The following KMT2B variants were observed in gnomAD, a reference collection of about 807,000 sequenced individuals.
The protein encoded by KMT2B is histone-lysine N-methyltransferase 2B.
A neutral mutation model predicts 255.3 loss-of-function variants in KMT2B; 22 were observed. That is an observed-to-expected ratio of 0.09 (90% CI 0.06 to 0.12). The LOEUF is 0.12. Among genes scored for constraint, KMT2B ranks in the 10% least tolerant of loss-of-function variants. KMT2B has a pLI of 1.00. For missense variants in KMT2B, 3,149 were observed against 3,737.0 expected (o/e 0.84, Z 4.10); for synonymous variants, 1,730 against 1,498.1 (o/e 1.15, Z -3.57).
intron 22 of KMT2B, among the ~76,000 whole-genome samples, chr19:35,729,628 G>A (rs1969610826): frequency 6.6e-6 from 1 of 152,000 alleles, no homozygotes; most frequent in Non-Finnish European, 1.5e-5. Flanking sequence ...TGGTGCCTGG[G>A]CCAGGTACAG....
intron 22 of KMT2B, 84 bp downstream of exon 22, chr19:35,729,380 T>A: frequency 6.7e-7 from 1 of 1,495,118 alleles, no homozygotes; most frequent in Non-Finnish European, 9.0e-7. Flanking sequence ...TACTTCACAT[T>A]CCCTACCTGG....
At position 35,718,447 on chromosome 19, in the gene KMT2B, T is replaced by G; in HGVS notation, c.363+66T>G. 1 of 1,212,302 alleles carries G rather than the reference T, an allele frequency of 8.2e-7. No individual in the cohort carries two copies. The highest frequency in any genetic ancestry group is 1.0e-6 in the Non-Finnish European group (1 of 966,868). 75.1% of individuals were successfully genotyped at this position (1,212,302 alleles called of 1,614,324 possible). A position where few individuals can be genotyped will look rare whatever the true frequency, so the allele number is the denominator to read the frequency against. ...AGGCCGGGGCTTCCAGGGGTCTGGGTTGTCCCGGGGGCGGCGTGGGCAGGC... is the reference window on the plus strand; with the variant it reads ...AGGCCGGGGCTTCCAGGGGTCTGGGGTGTCCCGGGGGCGGCGTGGGCAGGC... On this transcript the variant is annotated intron_variant, in intron 1 of 36. Transcript: ENST00000420124. The surrounding 1 kb of genome is among the most constrained non-coding windows in gnomAD (Gnocchi z 5.0).
chr19:35,724,560 C>T, intron 8 of KMT2B, 77 bp from the exon 9 acceptor site: 1 of 1,236,094 alleles, frequency 8.1e-7, no homozygotes, highest in Non-Finnish European at 1.2e-6. Context: ...CCCTGGGAAT[C>T]CAGGTAACAT....
chr19:35,719,978 T>C lies in KMT2B; in HGVS notation c.631T>C (p.Cys211Arg). Residue 211 changes from cysteine (C) to arginine (R), a missense_variant, in exon 3 of 37, where the codon TGT becomes CGT. Coordinates refer to ENST00000420124, the MANE Select transcript of KMT2B (RefSeq NM_014727.3). ...ACCCCAAGCACCCCGGAGCCGGGCATGTGAGCCCTCCACCCCCCGGCGGTC... is the reference window on the plus strand; with the variant it reads ...ACCCCAAGCACCCCGGAGCCGGGCACGTGAGCCCTCCACCCCCCGGCGGTC... Reference protein sequence around the residue: ...QAPQAPRSRACEPSTPRRSRG... With the variant: ...QAPQAPRSRAREPSTPRRSRG... 6.2e-7 allele frequency: 1 copy of C among 1,613,118 alleles called. No individual in the cohort carries two copies. Among genetic ancestry groups the C allele is most frequent in the Non-Finnish European group, 8.5e-7 (1 of 1,179,770 alleles).
intron 26 of KMT2B, 93 bp downstream of exon 26, chr19:35,730,960 A>C: frequency 1.4e-6 from 2 of 1,383,318 alleles, no homozygotes; most frequent in African/African-American, 1.5e-5. Context: ...AAAGTCCAGG[A>C]GGCTTGCTTT....
Position 35,737,956 on chromosome 19 carries a change from G to A in KMT2B, c.7742+14G>A, listed in dbSNP as rs201537300. The A allele has an allele frequency of 1.9e-6, 3 of 1,603,994 alleles. No homozygotes were observed. Among genetic ancestry groups the A allele is most frequent in the Admixed American group, 1.7e-5 (1 of 58,062 alleles). On this transcript the variant is annotated intron_variant, in intron 35 of 36. Transcript: ENST00000420124. The surrounding 1 kb of genome is among the most constrained non-coding windows in gnomAD (Gnocchi z 5.3). ...GGGTGTCTACAGGTGAGTGGGGTTG[G>A]GGGGGAGGATGCCCCTTGGGTGGAC...
chr19:35,732,645 C>T lies in KMT2B; in HGVS notation c.6096C>T (p.Ser2032=). The T allele has an allele frequency of 1.2e-6, 2 of 1,610,632 alleles. No individual in the cohort carries two copies. Among genetic ancestry groups the T allele is most frequent in the Middle Eastern group, 1.7e-4 (1 of 6,056 alleles). The change falls in exon 28 of 37, where the codon TCC becomes TCT. Residue 2032 remains serine, a synonymous_variant. Transcript: ENST00000420124. ...DSSEEESSPT[S]RYIHFPVTVV... ...CCGAGGAGGAGTCCAGCCCCACCTC[C>T]CGCTACATCCACTTCCCTGTGACTG...
chr19:35,736,634 G>A (rs2146478603), intron 30 of KMT2B, 56 bp from the exon 31 acceptor site: 2 of 1,599,664 alleles, frequency 1.3e-6, no homozygotes, highest in East Asian at 4.5e-5. Flanking sequence ...GCGGGGCTCA[G>A]GGGCTTTTGA....
In KMT2B at chr19:35,720,589, TCC is replaced by T; in HGVS notation, c.1243_1244del (p.Pro415ThrfsTer134). ...PLTPPAPSPP[P>X]PLPPPSTSPP... ...TGACTCCTCCAGCCCCTTCACCTCC[TCC>T]ACCCCTCCCACCCCCTTCGACATCT... On this transcript the variant is annotated frameshift_variant, in exon 3 of 37. Coordinates refer to ENST00000420124, the MANE Select transcript of KMT2B (RefSeq NM_014727.3). LOFTEE classifies it high-confidence loss of function. 2.1e-6 allele frequency: 3 copies of T among 1,407,288 alleles called. No homozygotes were observed. The highest frequency in any genetic ancestry group is 1.9e-6 in the Non-Finnish European group (2 of 1,059,724). 87.2% of individuals were successfully genotyped at this position (1,407,288 alleles called of 1,614,324 possible). A position where few individuals can be genotyped will look rare whatever the true frequency, so the allele number is the denominator to read the frequency against.
In KMT2B at chr19:35,727,126, C is replaced by T. The variant is rs377635701; in HGVS notation, c.4004-30C>T. On this transcript the variant is annotated intron_variant, in intron 14 of 36. Coordinates refer to ENST00000420124, the MANE Select transcript of KMT2B (RefSeq NM_014727.3). This position sits in a 1 kb window ranked among gnomAD's most constrained non-coding sequence, Gnocchi z 4.2. ...TCAGGGCTGAGTGGGAACTCCAGCA[C>T]CTCTGACTCCTTCTCTTCCCTTTCT... 7.3e-5 allele frequency: 112 copies of T among 1,526,768 alleles called. No homozygotes were observed. The African/African-American group carries it at 1.3e-3, about 18-fold the overall frequency. 94.6% of individuals were successfully genotyped at this position (1,526,768 alleles called of 1,614,324 possible).
chr19:35,730,356 C>G lies in KMT2B; in HGVS notation c.5091C>G (p.Pro1697=), dbSNP rs752805215. ...CCCTCTTCCAGGAAATTGTGAACCCCGATGGTTTTGATGTTCTCCGCCGAG... is the reference window on the plus strand; with the variant it reads ...CCCTCTTCCAGGAAATTGTGAACCCGGATGGTTTTGATGTTCTCCGCCGAG... The part of the protein sequence containing the change: ...DLLDGKEIVN[P]DGFDVLRRVY... The change falls in exon 24 of 37, where the codon CCC becomes CCG. Residue 1697 remains proline, a synonymous_variant. Transcript: ENST00000420124. The G allele has an allele frequency of 1.9e-6, 3 of 1,612,246 alleles. No individual in the cohort carries two copies. The South Asian group carries it at 3.3e-5, about 18-fold the overall frequency.
rs1204968485 is a variant in KMT2B, at chr19:35,725,178, A to G, written c.3529-42A>G. On this transcript the variant is annotated intron_variant, in intron 10 of 36. Coordinates refer to ENST00000420124, the MANE Select transcript of KMT2B (RefSeq NM_014727.3). The surrounding 1 kb of genome is among the most constrained non-coding windows in gnomAD (Gnocchi z 4.1). ...GAGAAGCCAGGTGGGTCTGCCTTGT[A>G]TGCCTGGCGGCCCTCTGATCCTGCA... is the stretch of plus-strand genomic sequence containing the variant. 1 of 1,594,188 alleles carries G rather than the reference A, an allele frequency of 6.3e-7. No individual in the cohort carries two copies. Among genetic ancestry groups the G allele is most frequent in the Non-Finnish European group, 8.6e-7 (1 of 1,162,596 alleles).
chr19:35,726,063 T>C (rs1969427008), intron 13 of KMT2B, among the ~76,000 whole-genome samples, 173 bp from the exon 14 acceptor site: 1 of 152,188 alleles, frequency 6.6e-6, no homozygotes, highest in South Asian at 2.1e-4. Flanking sequence ...TATAGCCTGA[T>C]GTCCTCTCCT....
chr19:35,736,571 A>C (rs925575130), intron 30 of KMT2B, 119 bp from the exon 31 acceptor site: 2 of 1,196,856 alleles, frequency 1.7e-6, no homozygotes, highest in South Asian at 1.5e-5. Context: ...ATTAGACCCT[A>C]GTATCTGTGT....
In KMT2B at chr19:35,727,510, C is replaced by T. The variant is rs368960815; in HGVS notation, c.4190C>T (p.Ala1397Val). 24 of 1,611,014 alleles carry T rather than the reference C, an allele frequency of 1.5e-5. No homozygotes were observed. In the East Asian group the frequency reaches 2.7e-4, roughly 18 times the overall value. The change falls in exon 16 of 37, where the codon GCG becomes GTG. Residue 1397 changes from alanine (A) to valine (V), a missense_variant. Around this residue, in one of 18 missense-constraint regions of KMT2B, gnomAD observed 377 missense variants for 471.0 expected, o/e 0.80. Transcript: ENST00000420124. The surrounding 1 kb of genome is among the most constrained non-coding windows in gnomAD (Gnocchi z 4.2). ...LYTCGPCAGA[A>V]QPRWREALSG... ...ACCTGCGGACCGTGTGCTGGGGCAG[C>T]GCAGCCCCGCTGGCGAGAGGCCCTG...
In KMT2B at chr19:35,720,575, G is replaced by GCCCCTTCACCTCCTCCAC. The variant is rs1969148128; in HGVS notation, c.1232_1249dup (p.Pro411_Pro416dup). ...GCCACCACCGCCTCTGACTCCTCCA[G>GCCCCTTCACCTCCTCCAC]CCCCTTCACCTCCTCCACCCCTCCC... is the stretch of plus-strand genomic sequence containing the variant. On this transcript the variant is annotated inframe_insertion, in exon 3 of 37. Transcript: ENST00000420124. The GCCCCTTCACCTCCTCCAC allele has an allele frequency of 6.5e-7, 1 of 1,537,904 alleles. No homozygotes were observed. Among genetic ancestry groups the GCCCCTTCACCTCCTCCAC allele is most frequent in the East Asian group, 2.5e-5 (1 of 40,780 alleles).
intron 18 of KMT2B, 36 bp from the exon 19 acceptor site, chr19:35,728,062 A>G: frequency 6.4e-7 from 1 of 1,572,746 alleles, no homozygotes; most frequent in Non-Finnish European, 8.6e-7. Flanking sequence ...CTCCTGGGGA[A>G]GCTGGCTCTT....
In KMT2B at chr19:35,721,116, C is replaced by T. The variant is rs781774179; in HGVS notation, c.1769C>T (p.Pro590Leu). 2.2e-5 allele frequency: 35 copies of T among 1,609,986 alleles called. No individual in the cohort carries two copies. In the Middle Eastern group the frequency reaches 8.3e-4, roughly 38 times the overall value. The stretch of plus-strand genomic sequence containing the variant: ...TCTCCACCACGTGCCCCAACTCCTC[C>T]ATCTACCCCAGTTCCACTCCCTGAG... ...VPSPPRAPTP[P>L]STPVPLPEKR... The change falls in exon 3 of 37, where the codon CCA becomes CTA. Residue 590 changes from proline to leucine, a missense_variant. This residue lies in a region of KMT2B where 1,188 missense variants were observed against 1,106.4 expected (regional missense o/e 1.07). Transcript: ENST00000420124.
In KMT2B at chr19:35,722,339, C is replaced by T. The variant is rs1244203306; in HGVS notation, c.2458-20C>T. 2.6e-5 allele frequency: 41 copies of T among 1,593,128 alleles called. No homozygotes were observed. The highest frequency in any genetic ancestry group is 4.0e-5 in the African/African-American group (3 of 74,770). On this transcript the variant is annotated intron_variant, in intron 3 of 36. Transcript: ENST00000420124. Reference sequence around the variant, plus strand: ...TCTTTCCTCACTGTCCAGCCCCTGACCCTGTTTATTCCCTGCCAGCTGAGC... The same window carrying T: ...TCTTTCCTCACTGTCCAGCCCCTGATCCTGTTTATTCCCTGCCAGCTGAGC...
Sources: allele counts gnomAD v4.1 joint callset (sites outside exome capture counted in the v4.1 genomes callset), GRCh38; gene constraint gnomAD v4.1.1; regional missense constraint gnomAD v4.1.1; non-coding constraint Gnocchi (gnomAD v3.1); transcripts MANE v1.5; gene names NCBI Gene and HGNC (gene_info 2026-07-23, HGNC 2026-07-21).